NXPH1: variants seen among roughly 807,000 people sequenced by gnomAD.
NXPH1 encodes neurexophilin 1, also known as neurexophilin-1.
Under a neutral mutation model 23.7 loss-of-function variants are expected in NXPH1, and 5 were observed. That is an observed-to-expected ratio of 0.21 (90% confidence interval 0.11 to 0.44). The LOEUF is 0.44. NXPH1 is among the 20% of genes least tolerant of loss of function. NXPH1 has a pLI of 0.99. For missense variants in NXPH1, 324 were observed against 321.6 expected, an observed-to-expected ratio of 1.01 and a Z score of -0.06; for synonymous variants, 144 against 122.2, an observed-to-expected ratio of 1.18 and a Z score of -1.18.
At chr7:8,746,434 C>T (rs534125742) in intron 2 of NXPH1, among the ~76,000 whole-genome samples, 1 of 152,196 alleles carries the variant, frequency 6.6e-6, no homozygotes, top group South Asian at 2.1e-4. Context: ...CCCATTATAT[C>T]ACTGAAGGCA....
chr7:8,663,955 C>T (rs951047571), intron 2 of NXPH1, among the ~76,000 whole-genome samples: 6 of 152,154 alleles, frequency 3.9e-5, no homozygotes, highest in Middle Eastern at 3.4e-3. Flanking sequence ...ACTTTCCATC[C>T]GTAACAGATT....
chr7:8,435,812 G>C lies in NXPH1; in HGVS notation c.54+45G>C. The C allele has an allele frequency of 6.3e-7, 1 of 1,581,260 alleles. No individual in the cohort carries two copies. Among genetic ancestry groups the C allele is most frequent in the Non-Finnish European group, 8.7e-7 (1 of 1,150,446 alleles). ...GGGCTTTCGCATTTTTACCCCGGCC[G>C]GGAGGCAAGGAAACTGGGGACACGC... On this transcript the variant is annotated intron_variant, in intron 2 of 2. Transcript: ENST00000405863. This position sits in a 1 kb window ranked among gnomAD's most constrained non-coding sequence, Gnocchi z 5.9.
chr7:8,523,292 T>C (rs577836262), intron 2 of NXPH1, among the ~76,000 whole-genome samples: 92 of 152,322 alleles, frequency 6.0e-4, no homozygotes, highest in African/African-American at 2.1e-3. Context: ...GAATTTCTAA[T>C]ATTGGGAGAT....
chr7:8,620,937 C>T (rs954258169), intron 2 of NXPH1, among the ~76,000 whole-genome samples: 12 of 152,090 alleles, frequency 7.9e-5, no homozygotes, highest in Admixed American at 2.0e-4. Flanking sequence ...TGAATAAAAA[C>T]GCTCTCTCTA....
At chr7:8,488,441 G>A (rs1002164234) in intron 2 of NXPH1, among the ~76,000 whole-genome samples, 36 of 152,076 alleles carry the variant, frequency 2.4e-4, no homozygotes, top group Admixed American at 7.2e-4. Context: ...AATTGATTAA[G>A]TGATTTTCCC....
chr7:8,577,543 A>G (rs956152719), intron 2 of NXPH1, among the ~76,000 whole-genome samples: 1 of 152,174 alleles, frequency 6.6e-6, no homozygotes, highest in Non-Finnish European at 1.5e-5. Context: ...CTATTGATCT[A>G]TGATTCCAGC....
At chr7:8,614,733 G>C (rs1819698218) in intron 2 of NXPH1, among the ~76,000 whole-genome samples, 1 of 151,940 alleles carries the variant, frequency 6.6e-6, no homozygotes, top group South Asian at 2.1e-4. Context: ...GAAACTCTAT[G>C]TTTGATTATG....
chr7:8,466,083 G>A lies in NXPH1; in HGVS notation c.54+30316G>A, dbSNP rs186304118. ...TGAAAAATGTGAAGTAGTGTAAAGGGGATTTGGTACTGTTGGCTTCTCTTG... is the reference window on the plus strand; with the variant it reads ...TGAAAAATGTGAAGTAGTGTAAAGGAGATTTGGTACTGTTGGCTTCTCTTG... On this transcript the variant is annotated intron_variant, in intron 2 of 2. Coordinates refer to ENST00000405863, the MANE Select transcript of NXPH1 (RefSeq NM_152745.3). 2.1e-3 allele frequency among the ~76,000 whole-genome samples: 316 copies of A among 152,218 alleles called. 1 individual carries two copies. The highest frequency in any genetic ancestry group is 2.3e-3 in the South Asian group (11 of 4,820).
rs1423954917 is a variant in NXPH1, at chr7:8,434,375, G to C, written c.-491G>C. 1 of 153,232 alleles carries C rather than the reference G, an allele frequency of 6.5e-6. No individual in the cohort carries two copies. The allele number at this position is 153,232 out of a possible 1,614,324, so 9.5% of individuals were successfully genotyped here. A position where few individuals can be genotyped will look rare whatever the true frequency, so the allele number is the denominator to read the frequency against. On this transcript the variant is annotated 5_prime_UTR_variant, in exon 1 of 3. Transcript: ENST00000405863. This position sits in a 1 kb window ranked among gnomAD's most constrained non-coding sequence, Gnocchi z 7.6. ...CTGGACTGTTCGTCCGGGTGCCAGC[G>C]CTGGCAGTCCCAGTCCGTCCGGTGC... is the stretch of plus-strand genomic sequence containing the variant.
chr7:8,713,957 C>T (rs1779837915), intron 2 of NXPH1, among the ~76,000 whole-genome samples: 1 of 152,176 alleles, frequency 6.6e-6, no homozygotes, highest in African/African-American at 2.4e-5. Flanking sequence ...GCCCCGGCAA[C>T]CACTGTTTGG....
At chr7:8,459,642 A>C (rs1816658588) in intron 2 of NXPH1, among the ~76,000 whole-genome samples, 1 of 152,116 alleles carries the variant, frequency 6.6e-6, no homozygotes, top group Non-Finnish European at 1.5e-5. Flanking sequence ...AGTCTACTAA[A>C]CTTTTCCACT....
chr7:8,489,718 A>G (rs1817217293), intron 2 of NXPH1, among the ~76,000 whole-genome samples: 1 of 152,128 alleles, frequency 6.6e-6, no homozygotes, highest in Non-Finnish European at 1.5e-5. Context: ...CTCATGGCAT[A>G]TTAGTATTAT....
At chr7:8,525,326 G>A (rs1817844284) in intron 2 of NXPH1, among the ~76,000 whole-genome samples, 1 of 152,206 alleles carries the variant, frequency 6.6e-6, no homozygotes. Context: ...CATTCAAGGG[G>A]TAACTTGGGT....
chr7:8,712,793 G>A (rs534691239), intron 2 of NXPH1, among the ~76,000 whole-genome samples: 4 of 152,296 alleles, frequency 2.6e-5, no homozygotes, highest in South Asian at 4.1e-4. Context: ...GTAAATTGCA[G>A]AGTCAGAATT....
chr7:8,702,772 A>C (rs1182853578), intron 2 of NXPH1, among the ~76,000 whole-genome samples: 1 of 152,144 alleles, frequency 6.6e-6, no homozygotes, highest in African/African-American at 2.4e-5. Flanking sequence ...ATGGATGCTC[A>C]GGAAAATGAA....
rs751065364 is a variant in NXPH1 at position 8,617,077 on chromosome 7, T to C, written c.55-133931T>C. On this transcript the variant is annotated intron_variant, in intron 2 of 2. Coordinates refer to ENST00000405863, the MANE Select transcript of NXPH1 (RefSeq NM_152745.3). ...CAATGTTTGGAAATACTTTTTGTCA[T>C]TACAATTGTTGGGGGAAAGGGGATG... Among the ~76,000 whole-genome samples the C allele has an allele frequency of 8.6e-5, 13 of 151,892 alleles. 1 individual carries two copies. The highest frequency in any genetic ancestry group is 3.3e-4 in the Admixed American group (5 of 15,228).
At chr7:8,501,462 G>A (rs1309032613) in intron 2 of NXPH1, among the ~76,000 whole-genome samples, 6 of 152,008 alleles carry the variant, frequency 3.9e-5, no homozygotes, top group Non-Finnish European at 8.8e-5. Flanking sequence ...CATGACTTGG[G>A]AATCCATATG....
intron 2 of NXPH1, among the ~76,000 whole-genome samples, chr7:8,476,119 A>G (rs1000952719): frequency 1.3e-5 from 2 of 152,186 alleles, no homozygotes; most frequent in African/African-American, 4.8e-5. Flanking sequence ...TTTGGGGACC[A>G]TAGGCCCTTT....
intron 2 of NXPH1, among the ~76,000 whole-genome samples, chr7:8,480,533 CGTT>C (rs1817055236): frequency 1.3e-5 from 2 of 152,146 alleles, no homozygotes; most frequent in Admixed American, 1.3e-4. Context: ...GACATAGGCT[CGTT>C]GTCACCAGTG....
Sources: allele counts gnomAD v4.1 joint callset (sites outside exome capture counted in the v4.1 genomes callset), GRCh38; gene constraint gnomAD v4.1.1; non-coding constraint Gnocchi (gnomAD v3.1); transcripts MANE v1.5; gene names NCBI Gene and HGNC (gene_info 2026-07-23, HGNC 2026-07-21).